Variants in SIK3 observed in about 807,000 individuals in gnomAD.
SIK3 encodes the protein serine/threonine-protein kinase SIK3.
SIK3 carries 28 observed loss-of-function variants against 144.2 expected under a neutral mutation model. The observed-to-expected ratio is 0.19, with a 90% CI of 0.14 to 0.27. The LOEUF (loss-of-function observed/expected upper bound fraction) is 0.27, where lower values mean the gene tolerates loss of function less well. Ranked by LOEUF, SIK3 falls within the 10% of genes least tolerant of loss-of-function variation. The pLI, the probability that SIK3 is intolerant of heterozygous loss-of-function variation, is 1.00. For synonymous variants in SIK3, 686 were observed against 676.3 expected, an observed-to-expected ratio of 1.01 and a Z score of -0.22; for missense variants, 1,319 against 1,776.0, an observed-to-expected ratio of 0.74 and a Z score of 4.62.
At chr11:117,092,587 T>G (rs1248055686) in intron 1 of SIK3, among the ~76,000 whole-genome samples, 3 of 152,200 alleles carry the variant, frequency 2.0e-5, no homozygotes, top group Non-Finnish European at 2.9e-5. Flanking sequence ...AGGCAGATGC[T>G]TTTTGTCTCC....
At chr11:117,084,390 C>G in intron 1 of SIK3, among the ~76,000 whole-genome samples, 1 of 151,994 alleles carries the variant, frequency 6.6e-6, no homozygotes, top group East Asian at 1.9e-4. Flanking sequence ...TCAGACCTCT[C>G]GAGTAGCTAG....
intron 4 of SIK3, among the ~76,000 whole-genome samples, chr11:116,926,970 A>C (rs1302998826): frequency 6.6e-6 from 1 of 151,522 alleles, no homozygotes; most frequent in Non-Finnish European, 1.5e-5. Flanking sequence ...GCAGTGAGTC[A>C]AGACTGCACC....
intron 1 of SIK3, among the ~76,000 whole-genome samples, chr11:116,968,119 A>C (rs943345896): frequency 6.6e-6 from 1 of 152,154 alleles, no homozygotes; most frequent in African/African-American, 2.4e-5. Context: ...AGTAAACATT[A>C]ATTAATTCTT....
intron 1 of SIK3, among the ~76,000 whole-genome samples, chr11:117,022,836 A>G (rs1951833634): frequency 6.9e-5 from 1 of 14,412 alleles, no homozygotes; most frequent in Admixed American, 4.5e-4. Flanking sequence ...GAAGAAGTTA[A>G]AAAAAAAAAA....
At chr11:117,043,930 C>G (rs544544351) in intron 1 of SIK3, among the ~76,000 whole-genome samples, 71 of 152,218 alleles carry the variant, frequency 4.7e-4, no homozygotes, top group Non-Finnish European at 9.3e-4. Flanking sequence ...GGCTTGAAGG[C>G]TACTGCCCCA....
intron 1 of SIK3, among the ~76,000 whole-genome samples, chr11:117,076,370 T>C (rs1481360713): frequency 6.6e-6 from 1 of 152,164 alleles, no homozygotes; most frequent in Non-Finnish European, 1.5e-5. Context: ...ATGAGCACAA[T>C]GCAGACCATC....
chr11:116,977,060 A>G (rs1223990152), intron 1 of SIK3, among the ~76,000 whole-genome samples: 1 of 152,208 alleles, frequency 6.6e-6, no homozygotes, highest in Non-Finnish European at 1.5e-5. Context: ...ATTAAAAATA[A>G]AAAATAAATA....
chr11:116,939,442 G>A (rs545336329), intron 3 of SIK3, among the ~76,000 whole-genome samples: 5 of 152,278 alleles, frequency 3.3e-5, no homozygotes, highest in African/African-American at 7.2e-5. Context: ...CACCAAGCCC[G>A]GCCTTGCAAC....
intron 6 of SIK3, among the ~76,000 whole-genome samples, chr11:116,894,484 T>C (rs184776717): frequency 3.3e-4 from 50 of 152,348 alleles, no homozygotes; most frequent in African/African-American, 1.1e-3. Flanking sequence ...CAGTTGGCAG[T>C]AAAACCATCC....
intron 1 of SIK3, among the ~76,000 whole-genome samples, chr11:117,015,395 C>T (rs995598505): frequency 5.3e-5 from 8 of 151,986 alleles, no homozygotes; most frequent in Admixed American, 1.3e-4. Flanking sequence ...ACTGCTATAA[C>T]CACTTTATTT....
rs1371439339 is a variant in SIK3, at chr11:116,861,767, T to C, written c.2315+74A>G. 29 of 938,374 alleles carry C rather than the reference T, an allele frequency of 3.1e-5. No individual in the cohort carries two copies. The highest frequency in any genetic ancestry group is 4.9e-5 in the Non-Finnish European group (29 of 593,282). 58.1% of individuals were successfully genotyped at this position (938,374 alleles called of 1,614,324 possible). ...AGATGAATGCTCAAGTCAGTCCATA[T>C]CTCCCAGTGAGTCAAGCCAAGGGTA... On this transcript the variant is annotated intron_variant, in intron 18 of 24. Transcript: ENST00000445177.
chr11:116,944,311 T>C (rs1334009783), intron 3 of SIK3, among the ~76,000 whole-genome samples: 1 of 151,574 alleles, frequency 6.6e-6, no homozygotes, highest in Non-Finnish European at 1.5e-5. Flanking sequence ...TGCCAGAGAG[T>C]CTAATAACAT....
intron 1 of SIK3, among the ~76,000 whole-genome samples, chr11:117,025,892 C>T (rs1384924021): frequency 6.6e-6 from 1 of 152,084 alleles, no homozygotes; most frequent in East Asian, 1.9e-4. Flanking sequence ...AGGCTTTTTC[C>T]ACAACTTTAT....
chr11:116,997,376 T>C (rs1950704665), intron 1 of SIK3, among the ~76,000 whole-genome samples: 1 of 152,242 alleles, frequency 6.6e-6, no homozygotes, highest in East Asian at 1.9e-4. Context: ...TTAGCTCATA[T>C]GTGTAGTAAT....
chr11:116,940,292 C>T (rs1027487518), intron 3 of SIK3, among the ~76,000 whole-genome samples: 24 of 147,488 alleles, frequency 1.6e-4, no homozygotes, highest in African/African-American at 5.3e-4. Context: ...TGCAGTGGTG[C>T]GATCTTGGCT....
intron 1 of SIK3, among the ~76,000 whole-genome samples, chr11:117,013,985 T>TTTCTTTTC (rs1402425148): frequency 1.0e-5 from 1 of 99,830 alleles, no homozygotes; most frequent in African/African-American, 3.6e-5. Context: ...TTTTTTTTTT[T>TTTCTTTTC]TTTTTTTTTG....
chr11:116,866,465 G>A (rs896176959), intron 15 of SIK3, among the ~76,000 whole-genome samples: 1 of 152,034 alleles, frequency 6.6e-6, no homozygotes, highest in Non-Finnish European at 1.5e-5. Context: ...TTATTGAGAC[G>A]GAGTCTCACT....
chr11:116,871,279 T>C (rs1328053406), intron 13 of SIK3, among the ~76,000 whole-genome samples: 1 of 149,930 alleles, frequency 6.7e-6, no homozygotes, highest in East Asian at 1.9e-4. Flanking sequence ...TTTTACAAAA[T>C]GGCTAATTAC....
rs535872357 is a variant in SIK3, at chr11:116,862,303, A to G, written c.2128T>C (p.Tyr710His). 6.2e-7 allele frequency: 1 copy of G among 1,614,152 alleles called. No homozygotes were observed. The highest frequency in any genetic ancestry group is 1.3e-5 in the African/African-American group (1 of 75,040). ...QQECEQLQKM[Y>H]GGQIDERTLE... is the part of the protein sequence containing the mutation. ...GTTCTTTCATCAATCTGCCCCCCGT[A>G]CATCTTCTGCAGCTGCTCACACTCC... The change falls in exon 17 of 25, where the codon TAC becomes CAC. Residue 710 changes from tyrosine (Y) to histidine (H), a missense_variant. Transcript: ENST00000445177.
Sources: gnomAD v4.1 joint callset for allele counts (sites outside exome capture counted in the v4.1 genomes callset) on GRCh38, gnomAD v4.1.1 for gene constraint, MANE v1.5 for transcripts, NCBI Gene and HGNC (gene_info 2026-07-23, HGNC 2026-07-21) for gene names.